KCNA6: variants seen among roughly 807,000 people sequenced by gnomAD.
The protein encoded by KCNA6 is human brain potassium channel-2.
Under a neutral mutation model 29.5 loss-of-function variants are expected in KCNA6, and 17 were observed. The observed-to-expected ratio is 0.58, with a 90% CI of 0.39 to 0.86. The LOEUF is 0.86. KCNA6 is among the 40% of genes least tolerant of loss of function. The pLI is 0.00. For synonymous variants in KCNA6, 296 were observed against 304.7 expected (o/e 0.97, Z 0.30); for missense variants, 450 against 703.4 (o/e 0.64, Z 4.07).
chr12:4,816,461 C>A (rs1320737806), downstream of KCNA6, among the ~76,000 whole-genome samples: 2 of 151,996 alleles, frequency 1.3e-5, no homozygotes, highest in African/African-American at 4.8e-5. Context: ...ATTCATTATA[C>A]AGGACTACGG....
At chr12:4,823,754 G>A in the KCNA6 span, among the ~76,000 whole-genome samples, 6,579 of 152,236 alleles carry the variant, frequency 0.043, 290 homozygotes, top group East Asian at 0.22. Context: ...GCGACAGAGC[G>A]AGACTCCATC....
the KCNA6 span, among the ~76,000 whole-genome samples, chr12:4,830,264 G>A: frequency 6.6e-6 from 1 of 152,178 alleles, no homozygotes; most frequent in Admixed American, 6.5e-5. Context: ...GGACAGAGAC[G>A]TGCTGCCCCC....
the KCNA6 span, among the ~76,000 whole-genome samples, chr12:4,824,747 T>C: frequency 6.6e-6 from 1 of 152,206 alleles, no homozygotes; most frequent in Admixed American, 6.5e-5. Context: ...GGTAGGATGC[T>C]TCCTCCCCGA....
chr12:4,810,264 C>T lies in KCNA6; in HGVS notation c.223C>T (p.Arg75Cys). ...GCTCGGAGACCCTGGCCGGCGAGTC[C>T]GCTTCTTCGACCCCCTGAGGAACGA... is the stretch of plus-strand genomic sequence containing the variant. The change falls in exon 1 of 1, where the codon CGC becomes TGC. Residue 75 changes from arginine to cysteine, a missense_variant. Transcript: ENST00000280684. The surrounding 1 kb of genome is among the most constrained non-coding windows in gnomAD (Gnocchi z 7.5). 6.2e-7 allele frequency: 1 copy of T among 1,614,028 alleles called. No homozygotes were observed. The highest frequency in any genetic ancestry group is 8.5e-7 in the Non-Finnish European group (1 of 1,180,032).
the KCNA6 span, among the ~76,000 whole-genome samples, chr12:4,835,631 T>A: frequency 6.6e-6 from 1 of 152,060 alleles, no homozygotes; most frequent in African/African-American, 2.4e-5. Flanking sequence ...GGAGACTTCC[T>A]CATGGGACAA....
Position 4,810,503 on chromosome 12 carries a change from G to A in KCNA6, c.462G>A (p.Gln154=). 1 of 1,614,176 alleles carries A rather than the reference G, an allele frequency of 6.2e-7. No individual in the cohort carries two copies. The highest frequency in any genetic ancestry group is 8.5e-7 in the Non-Finnish European group (1 of 1,180,042). Residue 154 remains glutamine, a synonymous_variant, in exon 1 of 1, where the codon CAG becomes CAA. Coordinates refer to ENST00000280684, the Ensembl canonical transcript of KCNA6. This position sits in a 1 kb window ranked among gnomAD's most constrained non-coding sequence, Gnocchi z 7.5. ...AGGACGAGAAGCCGCTGCCCTCCCA[G>A]CCCTTCCAGCGCCAGGTGTGGCTGC... is the stretch of plus-strand genomic sequence containing the variant.
At chr12:4,845,839 C>T in the KCNA6 span, among the ~76,000 whole-genome samples, 1 of 152,156 alleles carries the variant, frequency 6.6e-6, no homozygotes, top group Non-Finnish European at 1.5e-5. Context: ...CTGCCCTAGC[C>T]TTCCTCATCC....
chr12:4,810,553 G>T lies in KCNA6; in HGVS notation c.512G>T (p.Gly171Val). The change falls in exon 1 of 1, where the codon GGG becomes GTG. Residue 171 changes from glycine (G) to valine (V), a missense_variant. Around this residue, in one of 7 missense-constraint regions of KCNA6, gnomAD observed 133 missense variants for 217.5 expected, o/e 0.61. Coordinates refer to ENST00000280684, the Ensembl canonical transcript of KCNA6. This position sits in a 1 kb window ranked among gnomAD's most constrained non-coding sequence, Gnocchi z 7.5. Reference sequence around the variant, plus strand: ...CTCTTTGAGTACCCAGAGAGCTCTGGGCCGGCCAGGGGCATCGCCATCGTC... The same window carrying T: ...CTCTTTGAGTACCCAGAGAGCTCTGTGCCGGCCAGGGGCATCGCCATCGTC... 9 of 1,614,186 alleles carry T rather than the reference G, an allele frequency of 5.6e-6. No individual in the cohort carries two copies. The highest frequency in any genetic ancestry group is 7.6e-6 in the Non-Finnish European group (9 of 1,180,036).
chr12:4,822,794 C>T, the KCNA6 span, among the ~76,000 whole-genome samples: 4 of 152,290 alleles, frequency 2.6e-5, no homozygotes, highest in South Asian at 2.1e-4. Flanking sequence ...ACTGGCCACC[C>T]AGCCACGGGC....
chr12:4,815,230 G>T (rs1357947943), downstream of KCNA6, among the ~76,000 whole-genome samples: 5 of 152,006 alleles, frequency 3.3e-5, no homozygotes, highest in African/African-American at 7.3e-5. Context: ...CGTCGAGGTC[G>T]CACATTGAAC....
chr12:4,821,465 G>A, the KCNA6 span, among the ~76,000 whole-genome samples: 2 of 137,816 alleles, frequency 1.5e-5, no homozygotes, highest in East Asian at 4.0e-4. Context: ...TGTGTGTTTT[G>A]TTTTTCTTTT....
chr12:4,827,206 C>T, the KCNA6 span, among the ~76,000 whole-genome samples: 14,759 of 112,140 alleles, frequency 0.13, 1,298 homozygotes, highest in South Asian at 0.18. Flanking sequence ...CCTTCCTTCC[C>T]TCCTTCCTTC....
At chr12:4,828,041 A>AC in the KCNA6 span, among the ~76,000 whole-genome samples, 1 of 151,572 alleles carries the variant, frequency 6.6e-6, no homozygotes, top group Non-Finnish European at 1.5e-5. Context: ...AAATCCCATA[A>AC]CCCCCCCACC....
At chr12:4,837,392 G>A in the KCNA6 span, among the ~76,000 whole-genome samples, 1 of 152,186 alleles carries the variant, frequency 6.6e-6, no homozygotes, top group Non-Finnish European at 1.5e-5. Flanking sequence ...AGGGGGTCAT[G>A]GCAACTCCAG....
the KCNA6 span, among the ~76,000 whole-genome samples, chr12:4,835,049 G>A: frequency 6.6e-6 from 1 of 151,866 alleles, no homozygotes; most frequent in African/African-American, 2.4e-5. Context: ...TTGGGACTGG[G>A]AATTTAGCAT....
the KCNA6 span, among the ~76,000 whole-genome samples, chr12:4,819,757 G>T: frequency 1.3e-5 from 2 of 152,256 alleles, no homozygotes; most frequent in Non-Finnish European, 2.9e-5. Flanking sequence ...TTCTGAGCTT[G>T]CTGGCTTGCC....
At chr12:4,835,587 C>A in the KCNA6 span, among the ~76,000 whole-genome samples, 1 of 152,016 alleles carries the variant, frequency 6.6e-6, no homozygotes, top group Non-Finnish European at 1.5e-5. Flanking sequence ...TCTAACTATG[C>A]GCTTAGAAGT....
chr12:4,827,914 G>A, the KCNA6 span, among the ~76,000 whole-genome samples: 3 of 152,198 alleles, frequency 2.0e-5, no homozygotes, highest in Non-Finnish European at 2.9e-5. Flanking sequence ...CTCCTAATGT[G>A]CTGTTTGACC....
chr12:4,815,818 G>A (rs1946676044), downstream of KCNA6, among the ~76,000 whole-genome samples: 1 of 152,304 alleles, frequency 6.6e-6, no homozygotes, highest in African/African-American at 2.4e-5. Flanking sequence ...AGTCCGCAAG[G>A]AGAATTGATG....
Sources: allele counts gnomAD v4.1 joint callset (sites outside exome capture counted in the v4.1 genomes callset), GRCh38; gene constraint gnomAD v4.1.1; regional missense constraint gnomAD v4.1.1; non-coding constraint Gnocchi (gnomAD v3.1); transcripts MANE v1.5; gene names NCBI Gene and HGNC (gene_info 2026-07-23, HGNC 2026-07-21).